Variants in PACRGL observed in about 807,000 individuals in gnomAD.
The protein encoded by PACRGL is parkin coregulated like, also known as PACRG-like protein.
A neutral mutation model predicts 34.5 loss-of-function variants in PACRGL; 38 were observed. The observed-to-expected ratio is 1.10, with a 90% CI of 0.85 to 1.44. PACRGL has a LOEUF of 1.44. PACRGL is among the 40% of genes most tolerant of loss of function. The pLI is 0.00. For synonymous variants in PACRGL, 128 were observed against 100.1 expected, an observed-to-expected ratio of 1.28 and a Z score of -1.66; for missense variants, 305 against 281.4, an observed-to-expected ratio of 1.08 and a Z score of -0.60.
At chr4:20,725,956 C>A (rs1038399447) in intron 8 of PACRGL, among the ~76,000 whole-genome samples, 1 of 152,100 alleles carries the variant, frequency 6.6e-6, no homozygotes, top group Non-Finnish European at 1.5e-5. Flanking sequence ...CAAGGAAATT[C>A]TTGCTTGCTC....
At chr4:20,738,961 G>T (rs1750376777) in intron 8 of PACRGL, among the ~76,000 whole-genome samples, 1 of 152,152 alleles carries the variant, frequency 6.6e-6, no homozygotes, top group Non-Finnish European at 1.5e-5. Context: ...GGCTCAGAGT[G>T]GCCCACACCC....
intron 8 of PACRGL, among the ~76,000 whole-genome samples, chr4:20,747,246 G>A (rs1401834522): frequency 1.3e-5 from 2 of 152,112 alleles, no homozygotes; most frequent in South Asian, 2.1e-4. Context: ...TAGGAAATTG[G>A]TGGTATATTT....
downstream of PACRGL, among the ~76,000 whole-genome samples, chr4:20,733,762 G>C (rs1261490906): frequency 1.3e-5 from 2 of 152,116 alleles, no homozygotes; most frequent in Non-Finnish European, 2.9e-5. Context: ...GAACACAATA[G>C]CCATAAGGTC....
In PACRGL at chr4:20,729,857, AATGAGTTAGACC is replaced by A. The variant is rs1290973321; in HGVS notation, c.*2519_*2530del. 1 of 417,904 alleles carries A rather than the reference AATGAGTTAGACC, an allele frequency of 2.4e-6. No individual in the cohort carries two copies. The highest frequency in any genetic ancestry group is 3.6e-5 in the East Asian group (1 of 27,684). The allele number at this position is 417,904 out of a possible 1,614,324, so 25.9% of individuals were successfully genotyped here. A position where few individuals can be genotyped will look rare whatever the true frequency, so the allele number is the denominator to read the frequency against. On this transcript the variant is annotated 3_prime_UTR_variant, in exon 9 of 9. Coordinates refer to ENST00000503585, the MANE Select transcript of PACRGL (RefSeq NM_001258345.3). ...ACTTTTGAATATTCACAGAGTATGA[AATGAGTTAGACC>A]ATCCCCTGAACTCAGTGGCATTATG...
At chr4:20,705,949 G>T (rs1421124718) in intron 3 of PACRGL, among the ~76,000 whole-genome samples, 5 of 148,770 alleles carry the variant, frequency 3.4e-5, no homozygotes, top group Non-Finnish European at 7.4e-5. Flanking sequence ...TGATAAACAG[G>T]TGTGTTCATT....
At chr4:20,713,576 T>C in intron 7 of PACRGL, 37 bp downstream of exon 7, 1 of 1,490,106 alleles carries the variant, frequency 6.7e-7, no homozygotes, top group Non-Finnish European at 9.4e-7. Context: ...ATTGACTGTA[T>C]GTATCATGCA....
At chr4:20,741,927 G>T (rs939099526) in intron 8 of PACRGL, among the ~76,000 whole-genome samples, 1 of 152,202 alleles carries the variant, frequency 6.6e-6, no homozygotes, top group African/African-American at 2.4e-5. Flanking sequence ...TACCATCAGA[G>T]AATACGATGA....
intron 7 of PACRGL, among the ~76,000 whole-genome samples, chr4:20,717,892 G>A (rs1229584057): frequency 6.6e-6 from 1 of 152,180 alleles, no homozygotes; most frequent in Non-Finnish European, 1.5e-5. Context: ...GTAGCTCGAT[G>A]GGGATGGCAT....
chr4:20,746,306 G>C (rs540130764), intron 8 of PACRGL, among the ~76,000 whole-genome samples: 4 of 152,054 alleles, frequency 2.6e-5, no homozygotes, highest in African/African-American at 9.6e-5. Flanking sequence ...CTCACTCATA[G>C]CTGGGAATTG....
At chr4:20,709,554 T>G (rs1471605739) in intron 4 of PACRGL, 129 bp from the exon 5 acceptor site, 1 of 575,262 alleles carries the variant, frequency 1.7e-6, no homozygotes, top group Non-Finnish European at 3.0e-6. Flanking sequence ...CCTTGTACTA[T>G]CTTATAAAGT....
In PACRGL at chr4:20,704,542, C is replaced by G; in HGVS notation, c.52+9C>G. Reference sequence around the variant, plus strand: ...GAAAAACAGAGCAACAGGTACAGAGCTTTTGTTTTTAAGTGAAGAGGTCAA... The same window carrying G: ...GAAAAACAGAGCAACAGGTACAGAGGTTTTGTTTTTAAGTGAAGAGGTCAA... On this transcript the variant is annotated intron_variant, in intron 2 of 8. Coordinates refer to ENST00000503585, the MANE Select transcript of PACRGL (RefSeq NM_001258345.3). 6.2e-7 allele frequency: 1 copy of G among 1,613,610 alleles called. No individual in the cohort carries two copies. The highest frequency in any genetic ancestry group is 8.5e-7 in the Non-Finnish European group (1 of 1,179,834).
At chr4:20,708,463 C>T (rs946028055) in intron 4 of PACRGL, among the ~76,000 whole-genome samples, 1 of 151,916 alleles carries the variant, frequency 6.6e-6, no homozygotes, top group African/African-American at 2.4e-5. Flanking sequence ...TATTTTTGTT[C>T]CAAAATTCAA....
At chr4:20,746,302 C>T (rs1338762902) in intron 8 of PACRGL, among the ~76,000 whole-genome samples, 1 of 151,802 alleles carries the variant, frequency 6.6e-6, no homozygotes, top group Admixed American at 6.6e-5. Flanking sequence ...TGTTCTCACT[C>T]ATAGCTGGGA....
At chr4:20,759,013 A>G in the PACRGL span, 7 of 685,394 alleles carry the variant, frequency 1.0e-5, no homozygotes, top group Non-Finnish European at 1.5e-5. Flanking sequence ...CCATTCATCC[A>G]TTATTACAAA....
chr4:20,719,870 A>G (rs1578272153), intron 7 of PACRGL, among the ~76,000 whole-genome samples: 1 of 152,124 alleles, frequency 6.6e-6, no homozygotes. Flanking sequence ...GGTGAGTTCA[A>G]TTCCTGGGTA....
At chr4:20,733,869 C>T (rs556507372), downstream of PACRGL, among the ~76,000 whole-genome samples, 3 of 152,258 alleles carry the variant, frequency 2.0e-5, no homozygotes, top group Non-Finnish European at 2.9e-5. Context: ...AGGCTATACT[C>T]GTGACCTGGC....
At chr4:20,749,394 T>C (rs1177662479) in intron 8 of PACRGL, among the ~76,000 whole-genome samples, 1 of 152,190 alleles carries the variant, frequency 6.6e-6, no homozygotes, top group African/African-American at 2.4e-5. Context: ...GTTAGTTAAC[T>C]CATTTGCCTT....
At position 20,707,823 on chromosome 4, in the gene PACRGL, G is replaced by A; in HGVS notation, c.228G>A (p.Val76=). 1 of 1,613,798 alleles carries A rather than the reference G, an allele frequency of 6.2e-7. No homozygotes were observed. Among genetic ancestry groups the A allele is most frequent in the Non-Finnish European group, 8.5e-7 (1 of 1,179,746 alleles). The change falls in exon 4 of 9, where the codon GTG becomes GTA. Residue 76 remains valine (V), a synonymous_variant. Coordinates refer to ENST00000503585, the MANE Select transcript of PACRGL (RefSeq NM_001258345.3). Reference sequence around the variant, plus strand: ...TTTAGTTTGGTGAACAGTCACGAGTGCCTTCTGCATTTGCAGCTATTTACT... The same window carrying A: ...TTTAGTTTGGTGAACAGTCACGAGTACCTTCTGCATTTGCAGCTATTTACT... ...TINPFGEQSR[V]PSAFAAIYSK...
At chr4:20,716,510 T>C (rs1160262925) in intron 7 of PACRGL, among the ~76,000 whole-genome samples, 7 of 150,494 alleles carry the variant, frequency 4.7e-5, no homozygotes, top group Non-Finnish European at 4.5e-5. Context: ...CAGGCCCTGG[T>C]GTGTGATGTT....
Sources: allele counts gnomAD v4.1 joint callset (sites outside exome capture counted in the v4.1 genomes callset), GRCh38; gene constraint gnomAD v4.1.1; transcripts MANE v1.5; gene names NCBI Gene and HGNC (gene_info 2026-07-23, HGNC 2026-07-21).